Variants in SLC2A1 observed in about 807,000 individuals in gnomAD.
SLC2A1 encodes the protein solute carrier family 2 member 1.
A neutral mutation model predicts 46.6 loss-of-function variants in SLC2A1; 4 were observed. The ratio of observed to expected loss-of-function variants is 0.09; its 90% CI spans 0.04 to 0.20. SLC2A1 has a LOEUF of 0.20. SLC2A1 is among the 10% of genes least tolerant of loss of function. The pLI is 1.00. For missense variants in SLC2A1, 352 were observed against 667.0 expected, an observed-to-expected ratio of 0.53 and a Z score of 5.20; for synonymous variants, 253 against 270.0, an observed-to-expected ratio of 0.94 and a Z score of 0.62.
At chr1:42,945,383 G>A (rs1381057224) in intron 1 of SLC2A1, among the ~76,000 whole-genome samples, 3 of 150,270 alleles carry the variant, frequency 2.0e-5, no homozygotes, top group Non-Finnish European at 3.0e-5. Flanking sequence ...AAACAAAAGC[G>A]AAACCAAAAA....
At chr1:42,940,731 G>T (rs1031483050) in intron 2 of SLC2A1, among the ~76,000 whole-genome samples, 1 of 152,132 alleles carries the variant, frequency 6.6e-6, no homozygotes, top group Non-Finnish European at 1.5e-5. Flanking sequence ...TACAGCGTGA[G>T]CCACATGCCC....
At position 42,930,885 on chromosome 1, in the gene SLC2A1, G is replaced by C; in HGVS notation, c.276-19C>G. The C allele has an allele frequency of 1.2e-6, 2 of 1,601,808 alleles. No individual in the cohort carries two copies. Among genetic ancestry groups the C allele is most frequent in the South Asian group, 1.1e-5 (1 of 91,080 alleles). On this transcript the variant is annotated intron_variant, in intron 3 of 9. Coordinates refer to ENST00000426263, the MANE Select transcript of SLC2A1 (RefSeq NM_006516.4). The surrounding 1 kb of genome is among the most constrained non-coding windows in gnomAD (Gnocchi z 6.2). Reference sequence around the variant, plus strand: ...ATTCCGCCTGGGGACGGGGTCACAGGTCAGGCCAGTGCCCACATTCCTTGG... The same window carrying C: ...ATTCCGCCTGGGGACGGGGTCACAGCTCAGGCCAGTGCCCACATTCCTTGG...
intron 2 of SLC2A1, among the ~76,000 whole-genome samples, chr1:42,932,518 C>T (rs1219288085): frequency 6.6e-6 from 1 of 152,198 alleles, no homozygotes; most frequent in African/African-American, 2.4e-5. Context: ...CCCCTCATCC[C>T]CTACCACTTA....
chr1:42,926,978 C>T lies in SLC2A1; in HGVS notation c.*63G>A. 1 of 1,587,254 alleles carries T rather than the reference C, an allele frequency of 6.3e-7. No homozygotes were observed. Among genetic ancestry groups the T allele is most frequent in the Non-Finnish European group, 8.6e-7 (1 of 1,164,126 alleles). The stretch of plus-strand genomic sequence containing the variant: ...CAGGTTTGGAAGTCTCATCCAGCTG[C>T]CTGTGCTCCTGAGAGATCCTTAGGG... On this transcript the variant is annotated 3_prime_UTR_variant, in exon 10 of 10. Coordinates refer to ENST00000426263, the MANE Select transcript of SLC2A1 (RefSeq NM_006516.4).
chr1:42,930,157 G>GCTCTGCCACTAGCATGAGCCCTGTTT lies in SLC2A1; in HGVS notation c.517-148_517-123dup. The GCTCTGCCACTAGCATGAGCCCTGTTT allele has an allele frequency of 9.2e-7, 1 of 1,086,348 alleles. No individual in the cohort carries two copies. The highest frequency in any genetic ancestry group is 1.4e-6 in the Non-Finnish European group (1 of 725,598). The allele number at this position is 1,086,348 out of a possible 1,614,324, so 67.3% of individuals were successfully genotyped here. The stretch of plus-strand genomic sequence containing the variant: ...TCAGGGAAGGGCCCCAGTTCTAGAG[G>GCTCTGCCACTAGCATGAGCCCTGTTT]CTCTGCCACTAGCATGAGCCCTGTT... On this transcript the variant is annotated intron_variant, in intron 4 of 9. Transcript: ENST00000426263. This position sits in a 1 kb window ranked among gnomAD's most constrained non-coding sequence, Gnocchi z 6.2.
intron 1 of SLC2A1, among the ~76,000 whole-genome samples, chr1:42,948,776 A>G (rs75366795): frequency 0.15 from 22,056 of 152,012 alleles, 1,808 homozygotes; most frequent in South Asian, 0.18. Flanking sequence ...TAAAAATAGA[A>G]AAGTTGGAGC....
rs1222578060 is a variant in SLC2A1, at chr1:42,958,506, G to T, written c.18+128C>A. ...TCGGGACCCGCACCGAGCCAGGCTC[G>T]GAGAGGCGCGCGGCCCGCCCCGGGC... is the stretch of plus-strand genomic sequence containing the variant. On this transcript the variant is annotated intron_variant, in intron 1 of 9. Coordinates refer to ENST00000426263, the MANE Select transcript of SLC2A1 (RefSeq NM_006516.4). The T allele has an allele frequency of 4.7e-5, 30 of 642,188 alleles. No homozygotes were observed. In the East Asian group the frequency reaches 1.3e-3, roughly 27 times the overall value. The allele number at this position is 642,188 out of a possible 1,614,324, so 39.8% of individuals were successfully genotyped here.
chr1:42,929,828 G>A lies in SLC2A1; in HGVS notation c.679+45C>T, dbSNP rs745751575. 4.3e-6 allele frequency: 7 copies of A among 1,614,126 alleles called. No homozygotes were observed. In the South Asian group the frequency reaches 7.7e-5, roughly 18 times the overall value. On this transcript the variant is annotated intron_variant, in intron 5 of 9. Coordinates refer to ENST00000426263, the MANE Select transcript of SLC2A1 (RefSeq NM_006516.4). The surrounding 1 kb of genome is among the most constrained non-coding windows in gnomAD (Gnocchi z 6.0). ...GAGGGTGGCTCAGAGTGGGAAGAAG[G>A]CCAGGGCTCAGGGAGTGGGGAGGAG...
intron 2 of SLC2A1, among the ~76,000 whole-genome samples, chr1:42,934,706 C>A (rs1643525089): frequency 1.3e-5 from 2 of 152,140 alleles, no homozygotes; most frequent in Admixed American, 1.3e-4. Context: ...GCCTCCGCAA[C>A]CCTGGGTCAT....
intron 1 of SLC2A1, among the ~76,000 whole-genome samples, chr1:42,946,541 G>T (rs1570603257): frequency 6.6e-6 from 1 of 152,140 alleles, no homozygotes; most frequent in South Asian, 2.1e-4. Context: ...TTCCAGTTTT[G>T]CCTGGGTACA....
rs1243774708 is a variant in SLC2A1 at position 42,929,166 on chromosome 1, C to T, written c.972+44G>A. 1 of 1,580,998 alleles carries T rather than the reference C, an allele frequency of 6.3e-7. No individual in the cohort carries two copies. Among genetic ancestry groups the T allele is most frequent in the Non-Finnish European group, 8.7e-7 (1 of 1,150,172 alleles). ...ACCAGTGGGGAAGATGGCACTGCCT[C>T]CTCCCTGGGGTTTGGCTGGGGGGGC... is the stretch of plus-strand genomic sequence containing the variant. On this transcript the variant is annotated intron_variant, in intron 7 of 9. Transcript: ENST00000426263. This position sits in a 1 kb window ranked among gnomAD's most constrained non-coding sequence, Gnocchi z 6.0.
At chr1:42,941,487 C>T (rs1643598177) in intron 2 of SLC2A1, among the ~76,000 whole-genome samples, 1 of 152,356 alleles carries the variant, frequency 6.6e-6, no homozygotes, top group Middle Eastern at 3.4e-3. Context: ...CAACCCTGTT[C>T]TGTTTCTGGA....
intron 2 of SLC2A1, among the ~76,000 whole-genome samples, chr1:42,939,120 C>G (rs964111793): frequency 5.3e-5 from 8 of 152,276 alleles, no homozygotes; most frequent in South Asian, 4.1e-4. Flanking sequence ...CAGATGGAAT[C>G]TCTGTGTCGC....
At chr1:42,955,741 A>C (rs1193442100) in intron 1 of SLC2A1, among the ~76,000 whole-genome samples, 1 of 152,180 alleles carries the variant, frequency 6.6e-6, no homozygotes, top group Non-Finnish European at 1.5e-5. Context: ...GCTAGTTACA[A>C]GTTCTTCACG....
In SLC2A1 at chr1:42,927,815, A is replaced by G. The variant is rs1011304541; in HGVS notation, c.1075-7T>C. On this transcript the variant is annotated splice_region_variant and splice_polypyrimidine_tract_variant and intron_variant, in intron 8 of 9. Coordinates refer to ENST00000426263, the MANE Select transcript of SLC2A1 (RefSeq NM_006516.4). This position sits in a 1 kb window ranked among gnomAD's most constrained non-coding sequence, Gnocchi z 5.3. ...ACATCCAGGGTAGCTGCTCCTGTTGAGGATGACGGAGAGGGGGAAAAGTTA... is the reference window on the plus strand; with the variant it reads ...ACATCCAGGGTAGCTGCTCCTGTTGGGGATGACGGAGAGGGGGAAAAGTTA... The G allele has an allele frequency of 1.2e-6, 2 of 1,607,356 alleles. No individual in the cohort carries two copies. Among genetic ancestry groups the G allele is most frequent in the Admixed American group, 1.7e-5 (1 of 59,074 alleles).
chr1:42,934,560 T>C (rs548511074), intron 2 of SLC2A1, among the ~76,000 whole-genome samples: 5 of 152,176 alleles, frequency 3.3e-5, no homozygotes, highest in Non-Finnish European at 7.4e-5. Context: ...TGCTGGAGAA[T>C]GAGAAGAACC....
chr1:42,926,866 C>T lies in SLC2A1; in HGVS notation c.*175G>A. 1 of 1,469,398 alleles carries T rather than the reference C, an allele frequency of 6.8e-7. No individual in the cohort carries two copies. The highest frequency in any genetic ancestry group is 1.4e-5 in the South Asian group (1 of 72,604). The allele number at this position is 1,469,398 out of a possible 1,614,324, so 91.0% of individuals were successfully genotyped here. A position where few individuals can be genotyped will look rare whatever the true frequency, so the allele number is the denominator to read the frequency against. On this transcript the variant is annotated 3_prime_UTR_variant, in exon 10 of 10. Transcript: ENST00000426263. ...GCAACAGTCTTGCTTTTGTTAAAAT[C>T]CTGGAGCCGTTAAGTCCTGAATATT...
intron 1 of SLC2A1, among the ~76,000 whole-genome samples, chr1:42,953,158 A>AT (rs1475798573): frequency 6.6e-6 from 1 of 152,238 alleles, no homozygotes; most frequent in Non-Finnish European, 1.5e-5. Context: ...CTCAGTAGCC[A>AT]AAGGCTCCAT....
At position 42,929,534 on chromosome 1, in the gene SLC2A1, A is replaced by G. The variant is rs1643464586; in HGVS notation, c.867+59T>C. The G allele has an allele frequency of 1.3e-6, 2 of 1,507,184 alleles. No individual in the cohort carries two copies. The highest frequency in any genetic ancestry group is 1.4e-5 in the African/African-American group (1 of 72,960). The allele number at this position is 1,507,184 out of a possible 1,614,324, so 93.4% of individuals were successfully genotyped here. On this transcript the variant is annotated intron_variant, in intron 6 of 9. Coordinates refer to ENST00000426263, the MANE Select transcript of SLC2A1 (RefSeq NM_006516.4). This position sits in a 1 kb window ranked among gnomAD's most constrained non-coding sequence, Gnocchi z 6.0. ...GTTTCAAGTTTGGGACTTGTTCACC[A>G]TGCACACTTGACCAGAGGGCTTGGC...
Sources: gnomAD v4.1 joint callset for allele counts (sites outside exome capture counted in the v4.1 genomes callset) on GRCh38, gnomAD v4.1.1 for gene constraint, Gnocchi (gnomAD v3.1) non-coding constraint, MANE v1.5 for transcripts, NCBI Gene and HGNC (gene_info 2026-07-23, HGNC 2026-07-21) for gene names.